ZFAT: variants seen among roughly 807,000 people sequenced by gnomAD.
ZFAT encodes the protein zinc finger protein ZFAT.
Under a neutral mutation model 117.7 loss-of-function variants are expected in ZFAT, and 64 were observed. That is an observed-to-expected ratio of 0.54 (90% CI 0.44 to 0.67). ZFAT has a LOEUF of 0.67. Among genes scored for constraint, ZFAT ranks in the 30% least tolerant of loss-of-function variants. ZFAT has a pLI of 0.00. For missense variants in ZFAT, 1,433 were observed against 1,584.5 expected (o/e 0.90, Z 1.62); for synonymous variants, 679 against 615.0 (o/e 1.10, Z -1.54).
At chr8:134,788,517 T>A in the ZFAT span, among the ~76,000 whole-genome samples, 1 of 152,154 alleles carries the variant, frequency 6.6e-6, no homozygotes, top group African/African-American at 2.4e-5. Flanking sequence ...GTTTGCTTTA[T>A]GACTCAAAAT....
intron 7 of ZFAT, among the ~76,000 whole-genome samples, chr8:134,594,000 G>C (rs1826726754): frequency 6.6e-6 from 1 of 152,246 alleles, no homozygotes; most frequent in Non-Finnish European, 1.5e-5. Context: ...AATTGCAACT[G>C]ATTTGAACAA....
At chr8:134,736,726 G>C in the ZFAT span, among the ~76,000 whole-genome samples, 1 of 152,102 alleles carries the variant, frequency 6.6e-6, no homozygotes, top group Non-Finnish European at 1.5e-5. Flanking sequence ...CTCCTGAGTA[G>C]TGGGGTGCGT....
chr8:134,525,549 T>G (rs533907844), intron 12 of ZFAT, among the ~76,000 whole-genome samples: 110 of 152,340 alleles, frequency 7.2e-4, no homozygotes, highest in South Asian at 1.4e-3. Context: ...CAGATGCAGT[T>G]TTGATGCGCT....
At chr8:134,809,364 A>G in the ZFAT span, among the ~76,000 whole-genome samples, 4 of 152,234 alleles carry the variant, frequency 2.6e-5, no homozygotes, top group Non-Finnish European at 4.4e-5. Flanking sequence ...ATCTGAGCTT[A>G]GTCTATAGTC....
intron 15 of ZFAT, among the ~76,000 whole-genome samples, chr8:134,493,635 C>T (rs909695811): frequency 9.2e-5 from 14 of 152,238 alleles, no homozygotes; most frequent in African/African-American, 2.9e-4. Context: ...AATGAAGAGA[C>T]GGCGGGGCAG....
At chr8:134,741,211 C>G in the ZFAT span, among the ~76,000 whole-genome samples, 1 of 152,062 alleles carries the variant, frequency 6.6e-6, no homozygotes, top group African/African-American at 2.4e-5. Context: ...CCATCTCGCC[C>G]CCACCCCTCA....
chr8:134,799,364 T>C, the ZFAT span, among the ~76,000 whole-genome samples: 1 of 152,316 alleles, frequency 6.6e-6, no homozygotes, highest in East Asian at 1.9e-4. Flanking sequence ...TTGTTTGTTT[T>C]GCTTTTCACC....
At chr8:134,631,227 T>G (rs1313108388) in intron 3 of ZFAT, among the ~76,000 whole-genome samples, 1 of 152,242 alleles carries the variant, frequency 6.6e-6, no homozygotes, top group Non-Finnish European at 1.5e-5. Flanking sequence ...TGTCTGCCAT[T>G]GCTGAAGAGA....
At chr8:134,678,782 C>A (rs558029693) in intron 1 of ZFAT, among the ~76,000 whole-genome samples, 117 of 152,240 alleles carry the variant, frequency 7.7e-4, no homozygotes, top group African/African-American at 2.7e-3. Flanking sequence ...AGAAATAACA[C>A]CACACATCTA....
chr8:134,640,425 A>G (rs192266271), intron 2 of ZFAT, among the ~76,000 whole-genome samples: 2 of 152,268 alleles, frequency 1.3e-5, no homozygotes, highest in Non-Finnish European at 2.9e-5. Context: ...ACACAGACTC[A>G]ATGGAGCACA....
At chr8:134,492,112 T>C (rs1818097538) in intron 15 of ZFAT, among the ~76,000 whole-genome samples, 1 of 152,050 alleles carries the variant, frequency 6.6e-6, no homozygotes, top group Non-Finnish European at 1.5e-5. Flanking sequence ...AGGTAGTCAT[T>C]ATTCAAGGGG....
intron 10 of ZFAT, among the ~76,000 whole-genome samples, chr8:134,582,377 C>T (rs1243033015): frequency 1.3e-5 from 2 of 152,234 alleles, no homozygotes; most frequent in Admixed American, 1.3e-4. Flanking sequence ...GGCTTCCCTG[C>T]CTCTGGGGAC....
chr8:134,599,585 C>A (rs1414581340), intron 7 of ZFAT: 1 of 360,938 alleles, frequency 2.8e-6, no homozygotes, highest in Non-Finnish European at 5.3e-6. Context: ...GACCTACTCA[C>A]CACACCCAAA....
chr8:134,644,226 G>A (rs1830745330), intron 2 of ZFAT, among the ~76,000 whole-genome samples: 1 of 152,070 alleles, frequency 6.6e-6, no homozygotes, highest in African/African-American at 2.4e-5. Context: ...ACATACAGCA[G>A]GCACCCAACA....
the ZFAT span, among the ~76,000 whole-genome samples, chr8:134,814,585 T>A: frequency 1.3e-5 from 2 of 152,188 alleles, no homozygotes; most frequent in Non-Finnish European, 2.9e-5. Flanking sequence ...CAAGGCAATA[T>A]AATATATATT....
chr8:134,809,035 G>C, the ZFAT span, among the ~76,000 whole-genome samples: 1 of 152,182 alleles, frequency 6.6e-6, no homozygotes, highest in Non-Finnish European at 1.5e-5. Flanking sequence ...TGCTGTATGA[G>C]CACAGTTCAG....
intron 11 of ZFAT, among the ~76,000 whole-genome samples, chr8:134,563,143 C>A (rs1290319506): frequency 6.6e-6 from 1 of 152,208 alleles, no homozygotes; most frequent in Admixed American, 6.5e-5. Flanking sequence ...AATACGTACA[C>A]AAATATGCAT....
intron 5 of ZFAT, among the ~76,000 whole-genome samples, chr8:134,603,774 C>T (rs932048210): frequency 1.3e-5 from 2 of 152,168 alleles, no homozygotes; most frequent in African/African-American, 4.8e-5. Context: ...TGGAGCAATC[C>T]AGGACTGCGG....
chr8:134,700,274 G>A (rs1242689558), intron 1 of ZFAT, among the ~76,000 whole-genome samples: 2 of 152,192 alleles, frequency 1.3e-5, no homozygotes, highest in Admixed American at 6.5e-5. Flanking sequence ...AGGTCTCCGG[G>A]ACTCCAAAGC....
Sources: allele counts gnomAD v4.1 joint callset (sites outside exome capture counted in the v4.1 genomes callset), GRCh38; gene constraint gnomAD v4.1.1; transcripts MANE v1.5; gene names NCBI Gene and HGNC (gene_info 2026-07-23, HGNC 2026-07-21).